The following CMIP variants were observed in gnomAD, a reference collection of about 807,000 sequenced individuals.
CMIP encodes C-Maf-inducing protein.
A neutral mutation model predicts 97.3 loss-of-function variants in CMIP; 13 were observed. That is an observed-to-expected ratio of 0.13 (90% confidence interval 0.09 to 0.21). The LOEUF is 0.21. CMIP is among the 10% of genes least tolerant of loss of function. CMIP has a pLI of 1.00. For missense variants in CMIP, 847 were observed against 1,024.9 expected, an observed-to-expected ratio of 0.83 and a Z score of 2.37; for synonymous variants, 538 against 436.3, an observed-to-expected ratio of 1.23 and a Z score of -2.91.
chr16:81,450,888 G>A (rs1738904185), intron 1 of CMIP, among the ~76,000 whole-genome samples: 1 of 152,214 alleles, frequency 6.6e-6, no homozygotes, highest in Admixed American at 6.5e-5. Flanking sequence ...CTCCTTGGAG[G>A]CAAGCACTGC....
intron 1 of CMIP, among the ~76,000 whole-genome samples, chr16:81,449,324 T>C (rs1304014955): frequency 6.6e-6 from 1 of 152,210 alleles, no homozygotes; most frequent in Non-Finnish European, 1.5e-5. Flanking sequence ...GCAATGTTTC[T>C]GGGCATCTTG....
At chr16:81,703,677 A>C (rs2151100930) in intron 17 of CMIP, among the ~76,000 whole-genome samples, 1 of 152,106 alleles carries the variant, frequency 6.6e-6, no homozygotes, top group South Asian at 2.1e-4. Flanking sequence ...CTGGTGCCTC[A>C]GGGTGTGAGT....
intron 2 of CMIP, among the ~76,000 whole-genome samples, 154 bp from the exon 3 acceptor site, chr16:81,620,722 G>T (rs1384304572): frequency 6.6e-6 from 1 of 152,208 alleles, no homozygotes; most frequent in African/African-American, 2.4e-5. Flanking sequence ...CACACAACAG[G>T]CTCAGCTTAG....
intron 1 of CMIP, among the ~76,000 whole-genome samples, chr16:81,543,886 C>T (rs1450258564): frequency 6.6e-6 from 1 of 152,212 alleles, no homozygotes; most frequent in Non-Finnish European, 1.5e-5. Context: ...TACTTTCTGT[C>T]TAAAGAAGAG....
intron 2 of CMIP, among the ~76,000 whole-genome samples, chr16:81,609,824 T>C (rs768693003): frequency 8.5e-5 from 13 of 152,072 alleles, no homozygotes; most frequent in African/African-American, 3.1e-4. Context: ...GAGATGGAGT[T>C]TGGGGCTGTG....
At chr16:81,571,965 C>T (rs536703492) in intron 1 of CMIP, among the ~76,000 whole-genome samples, 1 of 152,236 alleles carries the variant, frequency 6.6e-6, no homozygotes, top group Non-Finnish European at 1.5e-5. Flanking sequence ...TTCAGCCTCA[C>T]TGGAGGAAGG....
At chr16:81,577,433 A>G (rs570951240) in intron 1 of CMIP, among the ~76,000 whole-genome samples, 16 of 93,980 alleles carry the variant, frequency 1.7e-4, no homozygotes, top group African/African-American at 4.4e-4. Flanking sequence ...CACCATCACC[A>G]TCATAACCAT....
chr16:81,540,345 C>T (rs1331698905), intron 1 of CMIP, among the ~76,000 whole-genome samples: 1 of 152,220 alleles, frequency 6.6e-6, no homozygotes, highest in African/African-American at 2.4e-5. Context: ...CTTTGTTGCC[C>T]AGGCTGGAGT....
intron 1 of CMIP, among the ~76,000 whole-genome samples, chr16:81,449,013 C>T (rs963886605): frequency 3.6e-4 from 55 of 152,238 alleles, no homozygotes; most frequent in Admixed American, 3.6e-3. Context: ...GACCAGAATC[C>T]ATTTTGCTGC....
intron 1 of CMIP, among the ~76,000 whole-genome samples, chr16:81,522,636 A>G (rs2090050233): frequency 6.6e-6 from 1 of 151,306 alleles, no homozygotes; most frequent in Non-Finnish European, 1.5e-5. Context: ...GTTAACAAAT[A>G]AACAAGCAAA....
At chr16:81,555,877 T>A (rs1210058385) in intron 1 of CMIP, among the ~76,000 whole-genome samples, 1 of 152,120 alleles carries the variant, frequency 6.6e-6, no homozygotes, top group Non-Finnish European at 1.5e-5. Context: ...TGTCCTCATC[T>A]CTAAAATGGA....
chr16:81,666,971 G>C (rs775544057), intron 7 of CMIP: 1 of 76,398 alleles, frequency 1.3e-5, no homozygotes, highest in African/African-American at 4.1e-5. Context: ...AGCTGGTGTG[G>C]GGGGGGGGTC....
At chr16:81,636,297 T>C (rs994717581) in intron 3 of CMIP, among the ~76,000 whole-genome samples, 2 of 152,178 alleles carry the variant, frequency 1.3e-5, no homozygotes, top group Non-Finnish European at 1.5e-5. Flanking sequence ...GAATATGGGA[T>C]TCTGGCCCGG....
intron 1 of CMIP, among the ~76,000 whole-genome samples, chr16:81,522,816 C>G (rs1403907212): frequency 6.6e-6 from 1 of 152,140 alleles, no homozygotes; most frequent in Non-Finnish European, 1.5e-5. Context: ...ATTTACTACC[C>G]ACCTCCAGGT....
chr16:81,706,030 C>G (rs1297609028), intron 19 of CMIP, among the ~76,000 whole-genome samples: 1 of 152,196 alleles, frequency 6.6e-6, no homozygotes, highest in African/African-American at 2.4e-5. Context: ...GTACGGTAAG[C>G]AGATGCCTGG....
intron 1 of CMIP, among the ~76,000 whole-genome samples, chr16:81,501,135 C>T (rs1398391896): frequency 8.5e-5 from 13 of 152,218 alleles, no homozygotes; most frequent in Non-Finnish European, 1.3e-4. Flanking sequence ...CAGCGTCCTC[C>T]GTTTTCCTGG....
chr16:81,541,340 G>A (rs2090445429), intron 1 of CMIP, among the ~76,000 whole-genome samples: 1 of 152,180 alleles, frequency 6.6e-6, no homozygotes, highest in South Asian at 2.1e-4. Context: ...TTCACTCAGT[G>A]AGTCTTTTTG....
chr16:81,662,167 G>A (rs1263874005), intron 6 of CMIP, among the ~76,000 whole-genome samples: 1 of 152,130 alleles, frequency 6.6e-6, no homozygotes, highest in African/African-American at 2.4e-5. Flanking sequence ...TGTCACAACA[G>A]ATCACCTCCT....
At chr16:81,498,506 G>T (rs982695925) in intron 1 of CMIP, among the ~76,000 whole-genome samples, 5 of 152,196 alleles carry the variant, frequency 3.3e-5, no homozygotes, top group Admixed American at 6.5e-5. Flanking sequence ...GCTTTCTCAC[G>T]GGGGTTATCA....
Sources: gnomAD v4.1 joint callset for allele counts (sites outside exome capture counted in the v4.1 genomes callset) on GRCh38, gnomAD v4.1.1 for gene constraint, MANE v1.5 for transcripts, NCBI Gene and HGNC (gene_info 2026-07-23, HGNC 2026-07-21) for gene names.